Variants in NIPAL3 observed in about 807,000 individuals in gnomAD.
NIPAL3 encodes the protein NIPA-like protein 3.
NIPAL3 carries 41 observed loss-of-function variants against 47.2 expected under a neutral mutation model. That is an observed-to-expected ratio of 0.87 (90% CI 0.68 to 1.13). The LOEUF (loss-of-function observed/expected upper bound fraction) is 1.13. Among genes scored for constraint, NIPAL3 ranks in the 50% most tolerant of loss-of-function variants. The probability of loss-of-function intolerance (pLI) is 0.00; values close to 1 mark genes in which losing one functional copy is unlikely to be tolerated. For synonymous variants in NIPAL3, 194 were observed against 209.6 expected (o/e 0.93, Z 0.64); for missense variants, 449 against 530.1 (o/e 0.85, Z 1.50).
At chr1:24,432,007 CAGTT>C (rs1453774824) in intron 2 of NIPAL3, among the ~76,000 whole-genome samples, 2 of 151,960 alleles carry the variant, frequency 1.3e-5, no homozygotes, top group African/African-American at 2.4e-5. Flanking sequence ...ATTACGTAGT[CAGTT>C]CAATGTATGT....
intron 4 of NIPAL3, 147 bp downstream of exon 4, chr1:24,442,373 G>T: frequency 1.3e-6 from 1 of 773,160 alleles, no homozygotes; most frequent in Non-Finnish European, 2.0e-6. Flanking sequence ...GACACACCAG[G>T]CCCTGTAAGT....
intron 2 of NIPAL3, among the ~76,000 whole-genome samples, chr1:24,435,074 A>G (rs1436195480): frequency 2.0e-5 from 3 of 152,242 alleles, no homozygotes; most frequent in African/African-American, 7.2e-5. Context: ...AATCAATGGG[A>G]TAGAATTCAG....
intron 5 of NIPAL3, among the ~76,000 whole-genome samples, chr1:24,446,189 T>C (rs537937202): frequency 1.3e-5 from 2 of 152,150 alleles, no homozygotes; most frequent in East Asian, 1.9e-4. Flanking sequence ...GAAAATTGAA[T>C]GCTTTCGGGG....
chr1:24,419,228 A>T, intron 1 of NIPAL3, 63 bp from the exon 2 acceptor site: 3 of 875,210 alleles, frequency 3.4e-6, no homozygotes, highest in Non-Finnish European at 4.2e-6. Flanking sequence ...CTTCTCAGAT[A>T]ACAAAGCTGG....
At chr1:24,444,509 T>G (rs920992771) in intron 4 of NIPAL3, among the ~76,000 whole-genome samples, 1 of 152,240 alleles carries the variant, frequency 6.6e-6, no homozygotes, top group African/African-American at 2.4e-5. Flanking sequence ...TAACATTCTA[T>G]GAGCTGGTGC....
intron 2 of NIPAL3, among the ~76,000 whole-genome samples, chr1:24,439,655 C>A (rs897300014): frequency 6.6e-6 from 1 of 152,036 alleles, no homozygotes; most frequent in Non-Finnish European, 1.5e-5. Context: ...TTAGAAAGTA[C>A]AAAATTCCGT....
At chr1:24,415,765 C>T (rs1643988570), upstream of NIPAL3, 2 of 908,034 alleles carry the variant, frequency 2.2e-6, no homozygotes, top group African/African-American at 3.6e-5. Flanking sequence ...AAATCGCGAC[C>T]TTTGAAAGCA....
chr1:24,424,303 C>T (rs1402305406), intron 2 of NIPAL3, among the ~76,000 whole-genome samples: 5 of 152,200 alleles, frequency 3.3e-5, no homozygotes, highest in Admixed American at 3.3e-4. Context: ...CCCTGCAGAG[C>T]TCCTGTTGCC....
At chr1:24,452,236 G>A (rs902344444) in intron 6 of NIPAL3, among the ~76,000 whole-genome samples, 5 of 152,134 alleles carry the variant, frequency 3.3e-5, no homozygotes, top group Non-Finnish European at 5.9e-5. Context: ...GATGCAAGGA[G>A]GGGGAGCTTC....
At chr1:24,434,299 C>T (rs1645004687) in intron 2 of NIPAL3, among the ~76,000 whole-genome samples, 1 of 151,960 alleles carries the variant, frequency 6.6e-6, no homozygotes, top group Non-Finnish European at 1.5e-5. Flanking sequence ...AGTAACTATA[C>T]TAATATTAAA....
chr1:24,447,418 T>C (rs577090956), intron 5 of NIPAL3, among the ~76,000 whole-genome samples: 3 of 152,140 alleles, frequency 2.0e-5, no homozygotes, highest in Non-Finnish European at 4.4e-5. Context: ...CTGAAAAATT[T>C]TAAAACAGAA....
At chr1:24,443,899 C>G (rs934434223) in intron 4 of NIPAL3, among the ~76,000 whole-genome samples, 20 of 152,144 alleles carry the variant, frequency 1.3e-4, no homozygotes, top group African/African-American at 4.8e-4. Context: ...TCTGCTCTGC[C>G]CACTGCAGGT....
chr1:24,420,623 G>T (rs1644286866), intron 2 of NIPAL3, among the ~76,000 whole-genome samples: 1 of 151,902 alleles, frequency 6.6e-6, no homozygotes, highest in South Asian at 2.1e-4. Flanking sequence ...TTATAAATTT[G>T]GGGTCACATT....
At chr1:24,461,865 CAAA>C (rs527764112) in intron 10 of NIPAL3, among the ~76,000 whole-genome samples, 25 of 131,646 alleles carry the variant, frequency 1.9e-4, no homozygotes, top group Non-Finnish European at 1.5e-4. Flanking sequence ...AAGTCTGTCT[CAAA>C]AAAAAAAAAA....
intron 11 of NIPAL3, chr1:24,464,666 G>A (rs902939853): frequency 1.3e-5 from 2 of 152,148 alleles, no homozygotes; most frequent in Non-Finnish European, 2.9e-5. Flanking sequence ...TGGGACCTGC[G>A]GAGGACTGGA....
intron 9 of NIPAL3, 81 bp from the exon 10 acceptor site, chr1:24,460,400 G>A: frequency 8.6e-7 from 1 of 1,167,092 alleles, no homozygotes; most frequent in Non-Finnish European, 1.2e-6. Flanking sequence ...ATGGAAGAGA[G>A]CTTAGCCAAA....
chr1:24,445,050 C>T, intron 4 of NIPAL3, 135 bp from the exon 5 acceptor site: 1 of 591,068 alleles, frequency 1.7e-6, no homozygotes, highest in Non-Finnish European at 3.0e-6. Context: ...AGGAACCAAG[C>T]TTTTGGCAGC....
rs185273245 is a variant in NIPAL3 at position 24,449,755 on chromosome 1, C to T, written c.540+129C>T. ...GGCACATTTTACCAGCATGAAAGAC[C>T]GTGCTTCTGGAGAGTACACAGCTCA... is the stretch of plus-strand genomic sequence containing the variant. On this transcript the variant is annotated intron_variant, in intron 6 of 11. Coordinates refer to ENST00000374399, the MANE Select transcript of NIPAL3 (RefSeq NM_020448.5). This position sits in a 1 kb window ranked among gnomAD's most constrained non-coding sequence, Gnocchi z 4.5. The T allele has an allele frequency of 0.01, 10,376 of 1,020,302 alleles. 59 individuals carry two copies. The highest frequency in any genetic ancestry group is 0.013 in the Middle Eastern group (60 of 4,576). 63.2% of individuals were successfully genotyped at this position (1,020,302 alleles called of 1,614,324 possible). A position where few individuals can be genotyped will look rare whatever the true frequency, so the allele number is the denominator to read the frequency against.
chr1:24,436,554 T>A (rs945808070), intron 2 of NIPAL3, among the ~76,000 whole-genome samples: 1 of 151,886 alleles, frequency 6.6e-6, no homozygotes, highest in African/African-American at 2.4e-5. Context: ...AATGGTGCAA[T>A]CTCGGCTCTC....
Sources: allele counts gnomAD v4.1 joint callset (sites outside exome capture counted in the v4.1 genomes callset), GRCh38; gene constraint gnomAD v4.1.1; non-coding constraint Gnocchi (gnomAD v3.1); transcripts MANE v1.5; gene names NCBI Gene and HGNC (gene_info 2026-07-23, HGNC 2026-07-21).